Variants in AHCY observed in about 807,000 individuals in gnomAD.
The protein encoded by AHCY is adenosylhomocysteinase.
AHCY carries 24 observed loss-of-function variants against 45.4 expected under a neutral mutation model. The observed-to-expected ratio is 0.53, with a 90% CI of 0.38 to 0.74. AHCY has a LOEUF of 0.74. Among genes scored for constraint, AHCY ranks in the 30% least tolerant of loss-of-function variants. The pLI is 0.00. For missense variants in AHCY, 449 were observed against 594.1 expected, an observed-to-expected ratio of 0.76 and a Z score of 2.54; for synonymous variants, 245 against 235.1, an observed-to-expected ratio of 1.04 and a Z score of -0.39.
the AHCY span, among the ~76,000 whole-genome samples, chr20:34,235,797 G>A: frequency 2.1e-5 from 1 of 47,886 alleles, no homozygotes; most frequent in Non-Finnish European, 3.3e-5. Flanking sequence ...AAGAAAGAAA[G>A]AAAGAAAGAA....
the AHCY span, among the ~76,000 whole-genome samples, chr20:34,266,408 C>A: frequency 6.6e-6 from 1 of 151,592 alleles, no homozygotes; most frequent in East Asian, 1.9e-4. Context: ...CACGGTGGCT[C>A]ATAACTGTAA....
the AHCY span, among the ~76,000 whole-genome samples, chr20:34,241,012 G>A: frequency 4.6e-5 from 7 of 152,174 alleles, no homozygotes; most frequent in Non-Finnish European, 1.0e-4. Flanking sequence ...AAATCTCAGA[G>A]CAACACGCCT....
the AHCY span, among the ~76,000 whole-genome samples, chr20:34,265,811 A>G: frequency 6.6e-6 from 1 of 151,614 alleles, no homozygotes; most frequent in Non-Finnish European, 1.5e-5. Context: ...TTAGCTGGGT[A>G]TGGTGCTGCA....
the AHCY span, among the ~76,000 whole-genome samples, chr20:34,254,403 T>G: frequency 6.6e-6 from 1 of 152,310 alleles, no homozygotes; most frequent in South Asian, 2.1e-4. Flanking sequence ...AGTGTGTTTC[T>G]CTAATGAGTA....
the AHCY span, among the ~76,000 whole-genome samples, chr20:34,237,810 G>A: frequency 6.6e-6 from 1 of 152,044 alleles, no homozygotes; most frequent in Admixed American, 6.5e-5. Flanking sequence ...CTTTTATTAT[G>A]TTGAAGCAGT....
At chr20:34,297,134 C>G (rs2036599772) in intron 1 of AHCY, among the ~76,000 whole-genome samples, 1 of 152,018 alleles carries the variant, frequency 6.6e-6, no homozygotes, top group Admixed American at 6.6e-5. Flanking sequence ...TTCAATTCAT[C>G]CTACCAATTT....
chr20:34,244,439 T>C, the AHCY span, among the ~76,000 whole-genome samples: 1 of 152,152 alleles, frequency 6.6e-6, no homozygotes, highest in East Asian at 1.9e-4. Flanking sequence ...CTCAGAACAA[T>C]GATGATGATT....
chr20:34,294,101 A>G lies in AHCY; in HGVS notation c.275T>C (p.Ile92Thr). 2 of 1,613,734 alleles carry G rather than the reference A, an allele frequency of 1.2e-6. No individual in the cohort carries two copies. Among genetic ancestry groups the G allele is most frequent in the Non-Finnish European group, 1.7e-6 (2 of 1,180,006 alleles). ...CTTACCCGGAATGCCAGCCTTGGCAATGGCAGCCGCCGCATGGTCCTGGGT... is the reference window on the plus strand; with the variant it reads ...CTTACCCGGAATGCCAGCCTTGGCAGTGGCAGCCGCCGCATGGTCCTGGGT... ...FSTQDHAAAA[I>T]AKAGIPVYAW... Residue 92 changes from isoleucine to threonine, a missense_variant, in exon 3 of 10, where the codon ATT becomes ACT. Ile to Thr is a moderately conservative substitution (Grantham distance 89, BLOSUM62 -1). Coordinates refer to ENST00000217426, the MANE Select transcript of AHCY (RefSeq NM_000687.4).
chr20:34,234,061 T>C, the AHCY span, among the ~76,000 whole-genome samples: 2 of 152,306 alleles, frequency 1.3e-5, no homozygotes, highest in Middle Eastern at 3.4e-3. Context: ...TGTGCCCAGT[T>C]GATGATGGTG....
intron 3 of AHCY, chr20:34,293,450 G>A (rs1401914109): frequency 6.1e-6 from 1 of 165,254 alleles, no homozygotes. Flanking sequence ...AACGGGGCAA[G>A]ACTCTGTCTC....
In AHCY at chr20:34,285,478, C is replaced by T. The variant is rs761097677; in HGVS notation, c.1129G>A (p.Asp377Asn). ...AAATGAACCCCAACGGGGTACTTGT[C>T]TGGATGGGTCCACAGCTCGATCTGC... is the stretch of plus-strand genomic sequence containing the variant. ...MAQIELWTHP[D>N]KYPVGVHFLP... The change falls in exon 9 of 10, where the codon GAC becomes AAC. Residue 377 changes from aspartate (D) to asparagine (N), a missense_variant. Transcript: ENST00000217426. 8.7e-6 allele frequency: 14 copies of T among 1,613,948 alleles called. No homozygotes were observed. Among genetic ancestry groups the T allele is most frequent in the East Asian group, 2.2e-5 (1 of 44,886 alleles).
At chr20:34,243,373 C>T in the AHCY span, among the ~76,000 whole-genome samples, 3 of 152,106 alleles carry the variant, frequency 2.0e-5, no homozygotes, top group Admixed American at 6.5e-5. Context: ...TTAGACTAGC[C>T]AATTCAGTCA....
At chr20:34,273,415 G>T in the AHCY span, among the ~76,000 whole-genome samples, 2 of 152,134 alleles carry the variant, frequency 1.3e-5, no homozygotes, top group East Asian at 3.9e-4. Context: ...AAAGTGACTT[G>T]TTCAGGCTGG....
intron 9 of AHCY, among the ~76,000 whole-genome samples, chr20:34,283,404 T>C (rs1307183810): frequency 1.3e-5 from 2 of 152,142 alleles, no homozygotes; most frequent in African/African-American, 2.4e-5. Flanking sequence ...ATTCGTGCAG[T>C]AGGTGACTTA....
chr20:34,311,673 G>A (rs2036950428), exon 1 of AHCY: 1 of 152,596 alleles, frequency 6.6e-6, no homozygotes, highest in African/African-American at 2.4e-5. Flanking sequence ...GGATAGAGAG[G>A]GGTGCAGGCG....
At chr20:34,279,330 A>G (rs1204806919), downstream of AHCY, among the ~76,000 whole-genome samples, 2 of 151,256 alleles carry the variant, frequency 1.3e-5, no homozygotes, top group Non-Finnish European at 2.9e-5. Context: ...CTGAGGCAGA[A>G]GAATGGCATG....
At chr20:34,298,251 A>G (rs539019142) in intron 1 of AHCY, among the ~76,000 whole-genome samples, 21 of 152,300 alleles carry the variant, frequency 1.4e-4, no homozygotes, top group African/African-American at 4.8e-4. Context: ...TAAAACAAGA[A>G]TAGTTATACT....
chr20:34,263,737 T>G, the AHCY span, among the ~76,000 whole-genome samples: 4 of 151,792 alleles, frequency 2.6e-5, no homozygotes, highest in African/African-American at 9.7e-5. Context: ...GGCGTGATCT[T>G]GGCTCACTGC....
intron 2 of AHCY, among the ~76,000 whole-genome samples, chr20:34,294,556 T>G (rs1013615059): frequency 1.3e-5 from 2 of 149,492 alleles, no homozygotes; most frequent in African/African-American, 5.0e-5. Context: ...GAGTTGGGAG[T>G]GGGGAGGAAA....
Sources: gnomAD v4.1 joint callset for allele counts (sites outside exome capture counted in the v4.1 genomes callset) on GRCh38, gnomAD v4.1.1 for gene constraint, MANE v1.5 for transcripts, NCBI Gene and HGNC (gene_info 2026-07-23, HGNC 2026-07-21) for gene names.